The following MRPS28 variants were observed in gnomAD, a reference collection of about 807,000 sequenced individuals.
MRPS28 encodes small ribosomal subunit protein bS1m.
MRPS28 carries 7 observed loss-of-function variants against 10.8 expected under a neutral mutation model. The ratio of observed to expected loss-of-function variants is 0.65; its 90% CI spans 0.37 to 1.22. MRPS28 has a LOEUF of 1.22. MRPS28 is among the 50% of genes most tolerant of loss of function. The pLI is 0.02. For missense variants in MRPS28, 265 were observed against 232.9 expected (o/e 1.14, Z -0.90); for synonymous variants, 121 against 93.3 (o/e 1.30, Z -1.71).
At chr8:79,951,403 T>A (rs769128634) in intron 2 of MRPS28, among the ~76,000 whole-genome samples, 43 of 152,124 alleles carry the variant, frequency 2.8e-4, no homozygotes, top group Admixed American at 4.6e-4. Context: ...CTCTTGCCCA[T>A]CCATCATCTA....
intron 2 of MRPS28, among the ~76,000 whole-genome samples, chr8:79,980,930 G>T (rs1200931029): frequency 2.0e-5 from 3 of 152,154 alleles, no homozygotes; most frequent in Non-Finnish European, 4.4e-5. Flanking sequence ...ATTAATAATA[G>T]AATTCATATC....
intron 1 of MRPS28, among the ~76,000 whole-genome samples, chr8:80,004,308 C>A (rs183390726): frequency 2.9e-4 from 44 of 152,328 alleles, no homozygotes; most frequent in Non-Finnish European, 4.6e-4. Context: ...AACAATCAGG[C>A]AGCAACATTT....
intron 2 of MRPS28, among the ~76,000 whole-genome samples, chr8:79,940,658 T>C (rs1806742614): frequency 1.3e-5 from 2 of 152,246 alleles, no homozygotes; most frequent in Non-Finnish European, 2.9e-5. Context: ...ACCTAGGTGA[T>C]AACTCACTTA....
chr8:79,933,940 T>C (rs563797836), intron 2 of MRPS28, among the ~76,000 whole-genome samples: 1 of 152,212 alleles, frequency 6.6e-6, no homozygotes, highest in South Asian at 2.1e-4. Context: ...AAAGAAGTAA[T>C]GCTCTCAGAT....
At chr8:79,938,476 C>G (rs1427055507) in intron 2 of MRPS28, among the ~76,000 whole-genome samples, 1 of 148,040 alleles carries the variant, frequency 6.8e-6, no homozygotes, top group Admixed American at 6.8e-5. Context: ...AGTAGAAAAA[C>G]TGAATGTTAA....
At chr8:79,934,876 AT>A (rs1160777165) in intron 2 of MRPS28, among the ~76,000 whole-genome samples, 7 of 152,346 alleles carry the variant, frequency 4.6e-5, no homozygotes, top group Non-Finnish European at 1.0e-4. Context: ...ATTAAAAAAA[AT>A]GGTTCCATTT....
intron 2 of MRPS28, among the ~76,000 whole-genome samples, chr8:80,001,679 T>C (rs1416142248): frequency 2.0e-5 from 3 of 152,202 alleles, no homozygotes; most frequent in Non-Finnish European, 2.9e-5. Context: ...GAACTAAGCT[T>C]GTATGATATT....
At chr8:80,029,497 A>T (rs965666024) in intron 1 of MRPS28, among the ~76,000 whole-genome samples, 77 of 152,344 alleles carry the variant, frequency 5.1e-4, no homozygotes, top group East Asian at 1.9e-3. Flanking sequence ...TTTACTTTTT[A>T]AAAAAAGAAG....
At chr8:79,971,131 T>C (rs1037794161) in intron 2 of MRPS28, among the ~76,000 whole-genome samples, 5 of 152,174 alleles carry the variant, frequency 3.3e-5, no homozygotes, top group Non-Finnish European at 2.9e-5. Flanking sequence ...AAATGCATAT[T>C]TGTTGACAGC....
intron 1 of MRPS28, among the ~76,000 whole-genome samples, chr8:80,016,437 A>G (rs949041840): frequency 1.3e-5 from 2 of 152,056 alleles, no homozygotes; most frequent in African/African-American, 4.8e-5. Context: ...ACTAACCTAG[A>G]ATTCTGTACC....
intron 2 of MRPS28, among the ~76,000 whole-genome samples, chr8:79,926,765 G>T (rs1810243870): frequency 1.3e-5 from 2 of 152,172 alleles, no homozygotes; most frequent in African/African-American, 4.8e-5. Flanking sequence ...ATATCTGTGG[G>T]GAGCCTGAGC....
At chr8:79,979,254 G>A in intron 2 of MRPS28, among the ~76,000 whole-genome samples, 1 of 152,126 alleles carries the variant, frequency 6.6e-6, no homozygotes, top group Admixed American at 6.5e-5. Context: ...TTCCAGCTTT[G>A]CCACTTAATA....
chr8:80,003,135 A>C lies in MRPS28; in HGVS notation c.259T>G (p.Ser87Ala). ...GCAGGTCCCATCTGTGTAAGAGGAG[A>C]ATGTCTCAGCATAGATGCAAAGGAT... is the stretch of plus-strand genomic sequence containing the variant. ...VESFASMLRHSPLTQMGPAKD... is the reference protein window; with the variant it reads ...VESFASMLRHAPLTQMGPAKD... The change falls in exon 2 of 3, where the codon TCT (serine) becomes GCT (alanine). Residue 87 changes from serine to alanine, a missense_variant. Ser to Ala is a moderately conservative substitution (Grantham distance 99, BLOSUM62 1). Coordinates refer to ENST00000276585, the MANE Select transcript of MRPS28 (RefSeq NM_014018.3). 6.2e-7 allele frequency: 1 copy of C among 1,608,628 alleles called. No individual in the cohort carries two copies. The highest frequency in any genetic ancestry group is 8.5e-7 in the Non-Finnish European group (1 of 1,178,730).
chr8:79,943,399 A>T lies in MRPS28; in HGVS notation c.396-24251T>A, dbSNP rs118103003. 4.6e-3 allele frequency among the ~76,000 whole-genome samples: 705 copies of T among 152,288 alleles called. 3 individuals carry two copies. Among genetic ancestry groups the T allele is most frequent in the Non-Finnish European group, 8.2e-3 (557 of 68,010 alleles). Reference sequence around the variant, plus strand: ...ATATTGCATTGTTTTTGATACTTTTAGTTTTAGATTCCTCAGCATTCTACA... The same window carrying T: ...ATATTGCATTGTTTTTGATACTTTTTGTTTTAGATTCCTCAGCATTCTACA... On this transcript the variant is annotated intron_variant, in intron 2 of 2. Transcript: ENST00000276585.
At chr8:79,963,298 T>C (rs1013580308) in intron 2 of MRPS28, among the ~76,000 whole-genome samples, 4 of 152,118 alleles carry the variant, frequency 2.6e-5, no homozygotes, top group Non-Finnish European at 4.4e-5. Context: ...TAGCCTACTA[T>C]GTATTTTCAG....
At chr8:80,006,391 A>C (rs1283308186) in intron 1 of MRPS28, among the ~76,000 whole-genome samples, 1 of 152,096 alleles carries the variant, frequency 6.6e-6, no homozygotes, top group Non-Finnish European at 1.5e-5. Context: ...CTGGGTACAT[A>C]ACAAAATGAA....
intron 2 of MRPS28, among the ~76,000 whole-genome samples, chr8:79,968,097 A>G (rs1227065639): frequency 1.3e-5 from 2 of 151,990 alleles, no homozygotes; most frequent in Non-Finnish European, 2.9e-5. Flanking sequence ...TACCTTTTCA[A>G]TTGGTTCCTT....
At chr8:80,004,213 TAGCCTAACTGG>T (rs1808756196) in intron 1 of MRPS28, among the ~76,000 whole-genome samples, 1 of 152,084 alleles carries the variant, frequency 6.6e-6, no homozygotes, top group Admixed American at 6.5e-5. Context: ...GACCCCTGAG[TAGCCTAACTGG>T]GAGGCACCCC....
At chr8:80,004,760 A>C (rs1211723895) in intron 1 of MRPS28, among the ~76,000 whole-genome samples, 1 of 152,238 alleles carries the variant, frequency 6.6e-6, no homozygotes, top group Non-Finnish European at 1.5e-5. Context: ...CAAATGGTTA[A>C]CTAGAATAAC....
Sources: gnomAD v4.1 joint callset for allele counts (sites outside exome capture counted in the v4.1 genomes callset) on GRCh38, gnomAD v4.1.1 for gene constraint, MANE v1.5 for transcripts, NCBI Gene and HGNC (gene_info 2026-07-23, HGNC 2026-07-21) for gene names.